The following STAT3 variants were observed in gnomAD, a reference collection of about 807,000 sequenced individuals.
STAT3 encodes signal transducer and activator of transcription 3, also known as DNA-binding protein APRF.
STAT3 carries 7 observed loss-of-function variants against 114.3 expected under a neutral mutation model. The observed-to-expected ratio is 0.06, with a 90% CI of 0.03 to 0.11. The LOEUF is 0.11. STAT3 is among the 10% of genes least tolerant of loss of function. The pLI, the probability that STAT3 is intolerant of heterozygous loss-of-function variation, is 1.00. For synonymous variants in STAT3, 331 were observed against 354.5 expected (o/e 0.93, Z 0.74); for missense variants, 364 against 960.9 (o/e 0.38, Z 8.21).
intron 14 of STAT3, among the ~76,000 whole-genome samples, chr17:42,326,749 G>A (rs1349284316): frequency 2.0e-5 from 3 of 152,214 alleles, no homozygotes; most frequent in African/African-American, 7.2e-5. Context: ...GAACCCAGGA[G>A]GCAGAGGATG....
At chr17:42,364,723 T>A (rs1176176842) in intron 1 of STAT3, among the ~76,000 whole-genome samples, 1 of 152,208 alleles carries the variant, frequency 6.6e-6, no homozygotes, top group Non-Finnish European at 1.5e-5. Flanking sequence ...CCTCAAGTGA[T>A]CTGCCTGCCT....
chr17:42,365,639 G>GTTTTTTTTTTTTTTTTTTTTTTT (rs11440924), intron 1 of STAT3, among the ~76,000 whole-genome samples: 2 of 139,054 alleles, frequency 1.4e-5, no homozygotes, highest in African/African-American at 5.3e-5. Context: ...TGCTGTTAAA[G>GTTTTTTTTTTTTTTTTTTTTTTT]TTTTTTTTTT....
rs113035852 is a variant in STAT3, at chr17:42,341,585, G to A, written c.373-2176C>T. On this transcript the variant is annotated intron_variant, in intron 4 of 23. Coordinates refer to ENST00000264657, the MANE Select transcript of STAT3 (RefSeq NM_139276.3). The stretch of plus-strand genomic sequence containing the variant: ...TAGCCTGACAGCCCTTGGTAGCAGG[G>A]ATTACATCCACTCTTCTATCTTTAA... Among the ~76,000 whole-genome samples, 764 of 152,282 alleles carry A rather than the reference G, an allele frequency of 5.0e-3. 2 individuals are homozygous for A. Among genetic ancestry groups the A allele is most frequent in the Non-Finnish European group, 7.3e-3 (497 of 68,036 alleles).
chr17:42,316,042 T>A (rs563005749), intron 23 of STAT3: 5 of 1,415,018 alleles, frequency 3.5e-6, no homozygotes, highest in Non-Finnish European at 4.6e-6. Flanking sequence ...TTACAGAAGC[T>A]CTAAGGCTGT....
intron 1 of STAT3, among the ~76,000 whole-genome samples, chr17:42,361,352 G>A (rs866082409): frequency 2.0e-5 from 3 of 152,104 alleles, no homozygotes; most frequent in African/African-American, 7.2e-5. Flanking sequence ...GCATGGTGGT[G>A]GATGCCTGTA....
intron 1 of STAT3, among the ~76,000 whole-genome samples, chr17:42,386,490 ATTTC>A (rs1215711892): frequency 6.6e-6 from 1 of 152,004 alleles, no homozygotes; most frequent in African/African-American, 2.4e-5. Context: ...TGCTGTGGGT[ATTTC>A]TTTTTCTTTC....
At chr17:42,326,082 C>A in intron 15 of STAT3, 34 bp downstream of exon 15, 1 of 1,595,798 alleles carries the variant, frequency 6.3e-7, no homozygotes, top group Non-Finnish European at 8.6e-7. Context: ...CACCCCTGTA[C>A]GTAGCCTCTC....
intron 1 of STAT3, among the ~76,000 whole-genome samples, chr17:42,364,067 G>C (rs1422925448): frequency 6.6e-6 from 1 of 151,940 alleles, no homozygotes; most frequent in Non-Finnish European, 1.5e-5. Context: ...TCCTGATTTA[G>C]AACTTCCCAC....
At chr17:42,385,436 G>A (rs938022159) in intron 1 of STAT3, among the ~76,000 whole-genome samples, 1 of 151,508 alleles carries the variant, frequency 6.6e-6, no homozygotes, top group African/African-American at 2.4e-5. Context: ...TTGAACCCGG[G>A]AGGAGGAGGT....
At chr17:42,344,313 T>G (rs1271746562) in intron 4 of STAT3, among the ~76,000 whole-genome samples, 2 of 151,612 alleles carry the variant, frequency 1.3e-5, no homozygotes, top group African/African-American at 4.9e-5. Context: ...TCCCAGCTAC[T>G]TGGGAGGCTG....
intron 1 of STAT3, 164 bp downstream of exon 1, chr17:42,388,115 T>A (rs2145435925): frequency 1.2e-6 from 1 of 858,552 alleles, no homozygotes; most frequent in Middle Eastern, 4.0e-4. Context: ...GCTCCTGTCA[T>A]CCCGAAGAGT....
At chr17:42,354,897 A>G (rs1369033642) in intron 1 of STAT3, among the ~76,000 whole-genome samples, 2 of 152,148 alleles carry the variant, frequency 1.3e-5, no homozygotes, top group Non-Finnish European at 2.9e-5. Context: ...ATACTTTAAT[A>G]GTTATTCTAC....
intron 4 of STAT3, among the ~76,000 whole-genome samples, chr17:42,340,086 G>A (rs1181933487): frequency 3.9e-5 from 6 of 152,006 alleles, no homozygotes; most frequent in East Asian, 1.9e-4. Flanking sequence ...TGCCAGGTGC[G>A]GTGGCTGATG....
At chr17:42,365,139 A>G (rs1399134552) in intron 1 of STAT3, among the ~76,000 whole-genome samples, 1 of 152,140 alleles carries the variant, frequency 6.6e-6, no homozygotes, top group African/African-American at 2.4e-5. Context: ...TAAGTCCATA[A>G]CTGTTCCAAC....
intron 1 of STAT3, among the ~76,000 whole-genome samples, chr17:42,350,200 G>C (rs191891531): frequency 6.6e-6 from 1 of 152,318 alleles, no homozygotes; most frequent in East Asian, 1.9e-4. Context: ...ACATACTAGA[G>C]TTCTTGATTC....
chr17:42,362,277 G>C (rs1166541475), intron 1 of STAT3, among the ~76,000 whole-genome samples: 1 of 152,214 alleles, frequency 6.6e-6, no homozygotes, highest in East Asian at 1.9e-4. Context: ...TTCAGGGTTT[G>C]TACTCCAGCT....
intron 1 of STAT3, among the ~76,000 whole-genome samples, chr17:42,372,229 G>C (rs2084189666): frequency 6.6e-6 from 1 of 152,166 alleles, no homozygotes; most frequent in Non-Finnish European, 1.5e-5. Flanking sequence ...TTATCCAGAG[G>C]AGGTGAAAAG....
chr17:42,334,146 C>T (rs529733792), intron 8 of STAT3, 97 bp from the exon 9 acceptor site: 8 of 1,393,910 alleles, frequency 5.7e-6, no homozygotes, highest in Non-Finnish European at 8.0e-6. Context: ...GAGACCACTA[C>T]AATAAGAACA....
intron 3 of STAT3, among the ~76,000 whole-genome samples, chr17:42,346,216 G>T (rs1038674547): frequency 1.3e-5 from 2 of 152,110 alleles, no homozygotes; most frequent in Non-Finnish European, 2.9e-5. Context: ...TCCTGGTCTT[G>T]CAGGGAAGCT....
Sources: gnomAD v4.1 joint callset for allele counts (sites outside exome capture counted in the v4.1 genomes callset) on GRCh38, gnomAD v4.1.1 for gene constraint, MANE v1.5 for transcripts, NCBI Gene and HGNC (gene_info 2026-07-23, HGNC 2026-07-21) for gene names.